Variants in IL13RA1 observed in about 807,000 individuals in gnomAD.
IL13RA1 encodes the protein interleukin 13 receptor subunit alpha 1, also known as interleukin-13 receptor subunit alpha-1.
Under a neutral mutation model 33.8 loss-of-function variants are expected in IL13RA1, and 14 were observed. The ratio of observed to expected loss-of-function variants is 0.41; its 90% confidence interval spans 0.27 to 0.65. IL13RA1 has a LOEUF of 0.65. Among genes scored for constraint, IL13RA1 ranks in the 30% least tolerant of loss-of-function variants. The pLI is 0.28. For synonymous variants in IL13RA1, 116 were observed against 115.7 expected, an observed-to-expected ratio of 1.00 and a Z score of -0.02; for missense variants, 313 against 327.0, an observed-to-expected ratio of 0.96 and a Z score of 0.33.
Position 118,731,187 on chromosome X carries a change from A to G in IL13RA1, c.88+3461A>G, listed in dbSNP as rs748192126. ...AAGTCAGTGGTGCAATCCCCAAGAC[A>G]TGGTTGAAATTAGGTGCCTAAGGGA... is the stretch of plus-strand genomic sequence containing the variant. On this transcript the variant is annotated intron_variant, in intron 1 of 10. Transcript: ENST00000371666. Among the ~76,000 whole-genome samples the G allele has an allele frequency of 8.1e-5, 9 of 111,680 alleles. No homozygotes were observed. The East Asian group carries it at 1.4e-3, about 17-fold the overall frequency.
At chrX:118,791,378 A>T (rs958825415) in intron 10 of IL13RA1, among the ~76,000 whole-genome samples, 1 of 111,705 alleles carries the variant, frequency 9.0e-6, no homozygotes, top group Admixed American at 9.5e-5. Context: ...CTCTGGAGCA[A>T]TGAGCATTAA....
At chrX:118,781,774 A>G (rs1342415341) in intron 10 of IL13RA1, among the ~76,000 whole-genome samples, 4 of 112,418 alleles carry the variant, frequency 3.6e-5, no homozygotes, top group African/African-American at 6.5e-5. Context: ...AGTATTTCCA[A>G]CTGCCCAAAT....
At chrX:118,795,226 A>G (rs925625944), downstream of IL13RA1, among the ~76,000 whole-genome samples, 4 of 105,067 alleles carry the variant, frequency 3.8e-5, no homozygotes, top group Non-Finnish European at 7.7e-5. Flanking sequence ...AAAAAAAAAA[A>G]AAAAGAAAAA....
intron 10 of IL13RA1, among the ~76,000 whole-genome samples, chrX:118,788,683 G>A (rs1437139790): frequency 4.5e-5 from 5 of 111,709 alleles, no homozygotes; most frequent in Non-Finnish European, 9.4e-5. Context: ...ATATTATAAT[G>A]TACTTAACAA....
chrX:118,802,260 G>T, the IL13RA1 span, among the ~76,000 whole-genome samples: 3 of 112,293 alleles, frequency 2.7e-5, no homozygotes, highest in African/African-American at 9.7e-5. Flanking sequence ...GCCAAAGGTG[G>T]CCCTGCCTGC....
At chrX:118,751,730 T>C (rs1389464071) in intron 4 of IL13RA1, among the ~76,000 whole-genome samples, 1 of 110,220 alleles carries the variant, frequency 9.1e-6, no homozygotes, top group African/African-American at 3.3e-5. Context: ...TGACTGTCAT[T>C]TGTTAAGACT....
At chrX:118,758,335 G>T in intron 5 of IL13RA1, 93 bp downstream of exon 5, 1 of 426,486 alleles carries the variant, frequency 2.3e-6, no homozygotes. Context: ...GATCATTCTG[G>T]GTTTAAGATC....
At chrX:118,749,850 C>CAA in intron 4 of IL13RA1, 72 bp downstream of exon 4, 7 of 604,744 alleles carry the variant, frequency 1.2e-5, no homozygotes, top group South Asian at 8.9e-5. Flanking sequence ...CCAACCTAGT[C>CAA]AAAAAAAAAA....
Position 118,757,940 on chromosome X carries a change from C to T in IL13RA1, c.489-115C>T, listed in dbSNP as rs945849516. The T allele has an allele frequency of 1.4e-5, 6 of 432,131 alleles. No homozygotes were observed. The African/African-American group carries it at 1.5e-4, about 10-fold the overall frequency. The allele number at this position is 432,131 out of a possible 1,213,427, so 35.6% of individuals were successfully genotyped here. On this transcript the variant is annotated intron_variant, in intron 4 of 10. Transcript: ENST00000371666. ...TCCTGACCTCAAGTGATCCGCCTGC[C>T]TCAGCCTCCAAAAGTGCTGGGATTA...
intron 1 of IL13RA1, among the ~76,000 whole-genome samples, chrX:118,734,748 G>T (rs1340153896): frequency 8.9e-6 from 1 of 111,860 alleles, no homozygotes; most frequent in Non-Finnish European, 1.9e-5. Flanking sequence ...GTACATCAAT[G>T]TTCATAAGGC....
chrX:118,800,698 G>A, the IL13RA1 span, among the ~76,000 whole-genome samples: 2 of 111,264 alleles, frequency 1.8e-5, no homozygotes, highest in African/African-American at 6.5e-5. Flanking sequence ...TCGACCTTCC[G>A]GGCTGAAGTG....
chrX:118,764,324 G>C (rs1392940859), intron 6 of IL13RA1, among the ~76,000 whole-genome samples: 1 of 108,987 alleles, frequency 9.2e-6, no homozygotes, highest in African/African-American at 3.3e-5. Flanking sequence ...AGGTTGATTC[G>C]GCAAGTTTGG....
At chrX:118,727,904 G>C (rs1179672892) in intron 1 of IL13RA1, among the ~76,000 whole-genome samples, 178 bp downstream of exon 1, 1 of 112,156 alleles carries the variant, frequency 8.9e-6, no homozygotes, top group Non-Finnish European at 1.9e-5. Flanking sequence ...GGATCTCTGG[G>C]GCCCGGTACT....
At chrX:118,786,179 A>G (rs1603223225) in intron 10 of IL13RA1, among the ~76,000 whole-genome samples, 1 of 110,612 alleles carries the variant, frequency 9.0e-6, no homozygotes, top group Non-Finnish European at 1.9e-5. Context: ...TCACAAGGTC[A>G]GGAGTTCAAG....
chrX:118,772,941 A>T (rs1376857326), intron 8 of IL13RA1, among the ~76,000 whole-genome samples: 1 of 112,542 alleles, frequency 8.9e-6, no homozygotes, highest in Non-Finnish European at 1.9e-5. Flanking sequence ...GATACCAAAA[A>T]AATACTTGGG....
intron 10 of IL13RA1, among the ~76,000 whole-genome samples, chrX:118,788,504 CTG>C (rs1386065759): frequency 3.6e-5 from 4 of 111,808 alleles, no homozygotes; most frequent in Non-Finnish European, 7.5e-5. Context: ...TATATATTGT[CTG>C]TGGCTGCTTT....
chrX:118,775,786 CAT>C (rs934146450), intron 9 of IL13RA1, among the ~76,000 whole-genome samples: 14 of 111,097 alleles, frequency 1.3e-4, no homozygotes, highest in Middle Eastern at 9.2e-3. Context: ...TTCAGTTTTG[CAT>C]ATGTTAAGTT....
intron 6 of IL13RA1, among the ~76,000 whole-genome samples, chrX:118,766,010 T>C (rs2017644450): frequency 8.9e-6 from 1 of 112,401 alleles, no homozygotes; most frequent in Admixed American, 9.4e-5. Flanking sequence ...AAAATACATA[T>C]GCAAGTCCTT....
At chrX:118,754,296 T>C (rs754911985) in intron 4 of IL13RA1, among the ~76,000 whole-genome samples, 1 of 111,620 alleles carries the variant, frequency 9.0e-6, no homozygotes, top group South Asian at 3.7e-4. Flanking sequence ...TTTAGAGCCA[T>C]GACTAGCTGC....
Sources: allele counts gnomAD v4.1 joint callset (sites outside exome capture counted in the v4.1 genomes callset), GRCh38; gene constraint gnomAD v4.1.1; transcripts MANE v1.5; gene names NCBI Gene and HGNC (gene_info 2026-07-23, HGNC 2026-07-21).